THSD7B: variants seen among roughly 807,000 people sequenced by gnomAD.
THSD7B encodes the protein thrombospondin type 1 domain containing 7B, also known as thrombospondin type-1 domain-containing protein 7B.
THSD7B carries 138 observed loss-of-function variants against 213.6 expected under a neutral mutation model. The observed-to-expected ratio is 0.65, with a 90% CI of 0.56 to 0.74. THSD7B has a LOEUF of 0.74. THSD7B is among the 30% of genes least tolerant of loss of function. The pLI, the probability that THSD7B is intolerant of heterozygous loss-of-function variation, is 0.00. For synonymous variants in THSD7B, 742 were observed against 687.0 expected, an observed-to-expected ratio of 1.08 and a Z score of -1.25; for missense variants, 1,931 against 1,991.5, an observed-to-expected ratio of 0.97 and a Z score of 0.58.
intron 10 of THSD7B, among the ~76,000 whole-genome samples, chr2:137,264,537 C>T (rs1239198458): frequency 5.3e-5 from 8 of 152,076 alleles, no homozygotes; most frequent in African/African-American, 9.7e-5. Flanking sequence ...CGTGAGCCAC[C>T]GCGCCCAGCC....
chr2:137,057,106 C>G lies in THSD7B; in HGVS notation c.826C>G (p.Arg276Gly). 3 of 1,613,916 alleles carry G rather than the reference C, an allele frequency of 1.9e-6. No individual in the cohort carries two copies. The highest frequency in any genetic ancestry group is 2.5e-6 in the Non-Finnish European group (3 of 1,179,874). Reference sequence around the variant, plus strand: ...GGATTTTAACTCTGATTCAAATGAGCGAGTCACCTTTAAACATCAAAGTTA... The same window carrying G: ...GGATTTTAACTCTGATTCAAATGAGGGAGTCACCTTTAAACATCAAAGTTA... The part of the protein sequence containing the change: ...VLDFNSDSNE[R>G]VTFKHQSYKA... Residue 276 changes from arginine to glycine, a missense_variant, in exon 3 of 28, where the codon CGA becomes GGA. Arg to Gly is a moderately radical substitution (Grantham distance 125). Transcript: ENST00000409968.
chr2:136,978,093 C>T (rs184158038), intron 2 of THSD7B, among the ~76,000 whole-genome samples: 6 of 152,186 alleles, frequency 3.9e-5, no homozygotes, highest in Non-Finnish European at 7.4e-5. Flanking sequence ...GCCACTGCAC[C>T]CAGCCTTGAA....
chr2:137,536,116 C>T (rs986064393), intron 15 of THSD7B, among the ~76,000 whole-genome samples: 1 of 149,762 alleles, frequency 6.7e-6, no homozygotes, highest in Non-Finnish European at 1.5e-5. Context: ...TCACTCATGA[C>T]ACCAGTGGTT....
At chr2:137,381,302 A>G (rs1558777029) in intron 12 of THSD7B, among the ~76,000 whole-genome samples, 1 of 152,158 alleles carries the variant, frequency 6.6e-6, no homozygotes, top group African/African-American at 2.4e-5. Context: ...GAAAGAATGA[A>G]CCTTTGCCAG....
In THSD7B at chr2:136,864,134, T is replaced by C. The variant is rs540824734; in HGVS notation, c.-35-18010T>C. 2.0e-5 allele frequency among the ~76,000 whole-genome samples: 3 copies of C among 152,292 alleles called. No homozygotes were observed. The South Asian group carries it at 6.2e-4, about 32-fold the overall frequency. On this transcript the variant is annotated intron_variant, in intron 1 of 27. Coordinates refer to ENST00000409968, the MANE Select transcript of THSD7B (RefSeq NM_001316349.2). ...TTATTTTCCTTCCTGGGAAAAACAT[T>C]GTTTCACTGACAAATTGCCAAAATC...
At chr2:136,854,175 G>A (rs1683140824) in intron 1 of THSD7B, among the ~76,000 whole-genome samples, 1 of 151,218 alleles carries the variant, frequency 6.6e-6, no homozygotes, top group South Asian at 2.1e-4. Context: ...TTAGGAAACA[G>A]CTGGGGGGGA....
At chr2:137,511,460 A>G (rs1325900503) in intron 15 of THSD7B, among the ~76,000 whole-genome samples, 2 of 152,160 alleles carry the variant, frequency 1.3e-5, no homozygotes, top group Admixed American at 1.3e-4. Flanking sequence ...CTGCAACCAA[A>G]GGGTTGTTGT....
intron 16 of THSD7B, among the ~76,000 whole-genome samples, chr2:137,566,334 G>A (rs72981490): frequency 0.018 from 2,729 of 152,248 alleles, 76 homozygotes; most frequent in African/African-American, 0.062. Flanking sequence ...GAAGCACCAG[G>A]TTTTTGCAGC....
Position 137,288,618 on chromosome 2 carries a change from A to G in THSD7B, c.2500+12592A>G, listed in dbSNP as rs1188850591. ...TAACAGCTAACTTTATGTACAGAGC[A>G]CAGGATAGTGATGAGTTGAAATTTC... On this transcript the variant is annotated intron_variant, in intron 12 of 27. Coordinates refer to ENST00000409968, the MANE Select transcript of THSD7B (RefSeq NM_001316349.2). Among the ~76,000 whole-genome samples, 4 of 152,224 alleles carry G rather than the reference A, an allele frequency of 2.6e-5. No homozygotes were observed. The East Asian group carries it at 5.8e-4, about 22-fold the overall frequency.
At chr2:137,296,891 C>T (rs1445690281) in intron 12 of THSD7B, among the ~76,000 whole-genome samples, 1 of 151,932 alleles carries the variant, frequency 6.6e-6, no homozygotes, top group African/African-American at 2.4e-5. Context: ...CATTGTGATA[C>T]ACTCAGTCTC....
rs568014611 is a variant in THSD7B, at chr2:137,313,714, T to C, written c.2500+37688T>C. ...TAGAGCCGGCCTGGTGGTGACAAAA[T>C]CTCTCAGCATTTGCTTGTCTGTAAA... On this transcript the variant is annotated intron_variant, in intron 12 of 27. Transcript: ENST00000409968. Among the ~76,000 whole-genome samples the C allele has an allele frequency of 3.4e-3, 525 of 152,260 alleles. 4 individuals are homozygous for C. Among genetic ancestry groups the C allele is most frequent in the African/African-American group, 0.012 (501 of 41,540 alleles).
At chr2:137,178,121 T>C (rs1191553047) in intron 7 of THSD7B, among the ~76,000 whole-genome samples, 1 of 151,530 alleles carries the variant, frequency 6.6e-6, no homozygotes, top group African/African-American at 2.4e-5. Context: ...ATCTTGTTTC[T>C]TGTTTCCTGC....
intron 2 of THSD7B, among the ~76,000 whole-genome samples, chr2:137,043,006 A>AT (rs1482939774): frequency 6.6e-6 from 1 of 151,972 alleles, no homozygotes; most frequent in Non-Finnish European, 1.5e-5. Context: ...ATGAGGATAG[A>AT]TTTTCTCAGT....
At chr2:137,362,472 T>C (rs10427363) in intron 12 of THSD7B, among the ~76,000 whole-genome samples, 119,817 of 148,620 alleles carry the variant, frequency 0.81, 48,478 homozygotes, top group East Asian at 0.94. Flanking sequence ...CATCAGTGCG[T>C]TGTATTCAGG....
intron 7 of THSD7B, among the ~76,000 whole-genome samples, chr2:137,229,828 A>G (rs1681597932): frequency 6.6e-6 from 1 of 152,166 alleles, no homozygotes; most frequent in African/African-American, 2.4e-5. Flanking sequence ...TGAGGACTCA[A>G]TAACATATGC....
intron 2 of THSD7B, among the ~76,000 whole-genome samples, chr2:136,921,426 A>G (rs1228056603): frequency 6.7e-6 from 1 of 149,270 alleles, no homozygotes; most frequent in Non-Finnish European, 1.5e-5. Context: ...ATTGCAACCC[A>G]CCATACAAGC....
intron 12 of THSD7B, among the ~76,000 whole-genome samples, chr2:137,334,686 T>A (rs1558761751): frequency 6.6e-6 from 1 of 152,142 alleles, no homozygotes; most frequent in Non-Finnish European, 1.5e-5. Context: ...CTGAATGCAT[T>A]TTCCCCATAC....
chr2:137,079,712 TTTA>T (rs1366111377), intron 3 of THSD7B, among the ~76,000 whole-genome samples: 3 of 152,250 alleles, frequency 2.0e-5, no homozygotes, highest in African/African-American at 7.2e-5. Flanking sequence ...CTTATTTACT[TTTA>T]TTGATATGAC....
intron 5 of THSD7B, among the ~76,000 whole-genome samples, chr2:137,138,442 T>G (rs1462753691): frequency 6.6e-6 from 1 of 152,158 alleles, no homozygotes; most frequent in Non-Finnish European, 1.5e-5. Flanking sequence ...GGGTGTATGG[T>G]GGTTTCTCCT....
Sources: gnomAD v4.1 joint callset for allele counts (sites outside exome capture counted in the v4.1 genomes callset) on GRCh38, gnomAD v4.1.1 for gene constraint, MANE v1.5 for transcripts, NCBI Gene and HGNC (gene_info 2026-07-23, HGNC 2026-07-21) for gene names.